Variants in N4BP2L2 observed in about 807,000 individuals in gnomAD.
N4BP2L2 encodes the protein NEDD4-binding protein 2-like 2.
In N4BP2L2, 50 loss-of-function variants were observed where a neutral mutation model predicts 56.2. That is an observed-to-expected ratio of 0.89 (90% CI 0.71 to 1.13). The LOEUF is 1.13. Among genes scored for constraint, N4BP2L2 ranks in the 50% most tolerant of loss-of-function variants. N4BP2L2 has a pLI of 0.00. For missense variants in N4BP2L2, 689 were observed against 693.8 expected (o/e 0.99, Z 0.08); for synonymous variants, 203 against 223.6 (o/e 0.91, Z 0.82).
At chr13:32,497,004 G>C (rs2088835652) in intron 6 of N4BP2L2, among the ~76,000 whole-genome samples, 1 of 152,210 alleles carries the variant, frequency 6.6e-6, no homozygotes. Context: ...GGGTTAGGTG[G>C]AAGTGGTGTG....
intron 6 of N4BP2L2, among the ~76,000 whole-genome samples, chr13:32,468,905 C>T (rs2081767467): frequency 6.6e-6 from 1 of 152,210 alleles, no homozygotes; most frequent in Admixed American, 6.5e-5. Context: ...GAGAGCCAAC[C>T]TTGTAGCCCA....
In N4BP2L2 at chr13:32,528,983, A is replaced by G. The variant is rs568161286; in HGVS notation, c.1260-1451T>C. On this transcript the variant is annotated intron_variant, in intron 2 of 5. Transcript: ENST00000267068. ...ATAAACTATGCACATCCTCCCATAC[A>G]CTTTAACTCATCTCTGGATTATTTA... Among the ~76,000 whole-genome samples, 159 of 152,286 alleles carry G rather than the reference A, an allele frequency of 1.0e-3. 2 individuals carry two copies. Among genetic ancestry groups the G allele is most frequent in the African/African-American group, 3.8e-3 (157 of 41,552 alleles).
At chr13:32,511,540 A>G (rs1307932233) in exon 6 of N4BP2L2, 1 of 152,222 alleles carries the variant, frequency 6.6e-6, no homozygotes, top group Admixed American at 6.5e-5. Context: ...AGATTTTTAT[A>G]AATCTTTCCA....
chr13:32,439,882 C>T (rs1216715720), intron 7 of N4BP2L2, among the ~76,000 whole-genome samples: 3 of 148,892 alleles, frequency 2.0e-5, no homozygotes, highest in Admixed American at 6.7e-5. Context: ...AAAAATTAGC[C>T]GGGCGCAGTG....
At chr13:32,530,362 T>C (rs2054366917) in intron 2 of N4BP2L2, among the ~76,000 whole-genome samples, 1 of 152,226 alleles carries the variant, frequency 6.6e-6, no homozygotes, top group Non-Finnish European at 1.5e-5. Flanking sequence ...AATCTAGGAA[T>C]ATCTGAATGT....
chr13:32,436,623 C>T (rs931845160), intron 8 of N4BP2L2, among the ~76,000 whole-genome samples: 8 of 151,480 alleles, frequency 5.3e-5, no homozygotes, highest in Non-Finnish European at 1.2e-4. Context: ...AACCCTGTCT[C>T]TACTAAAAAT....
At position 32,477,001 on chromosome 13, in the gene N4BP2L2, AC is replaced by A. The variant is rs1435715443; in HGVS notation, c.366-32876del. Among the ~76,000 whole-genome samples, 3 of 152,140 alleles carry A rather than the reference AC, an allele frequency of 2.0e-5. No individual in the cohort carries two copies. The East Asian group carries it at 5.8e-4, about 29-fold the overall frequency. On this transcript the variant is annotated intron_variant, in intron 6 of 9. Transcript: ENST00000357505. ...ATGCTACTTGAAGGAAATTTCTGCA[AC>A]CCGCAGTCAACTATCATACGATTGT...
intron 5 of N4BP2L2, among the ~76,000 whole-genome samples, chr13:32,519,244 C>CAA (rs568918720): frequency 0.014 from 1,573 of 113,310 alleles, 33 homozygotes; most frequent in African/African-American, 0.047. Context: ...CCGTCTCTAC[C>CAA]AAAAAAAAAA....
At chr13:32,494,804 A>G (rs867390406) in intron 6 of N4BP2L2, among the ~76,000 whole-genome samples, 1 of 152,152 alleles carries the variant, frequency 6.6e-6, no homozygotes, top group African/African-American at 2.4e-5. Context: ...GCATTTTTCC[A>G]TAACTTTCCC....
chr13:32,463,302 A>T (rs373870323), intron 6 of N4BP2L2, among the ~76,000 whole-genome samples: 3 of 152,220 alleles, frequency 2.0e-5, no homozygotes, highest in African/African-American at 7.2e-5. Context: ...AGTGGAGAAG[A>T]GCTGAAGAGA....
At chr13:32,490,846 T>C (rs1158541257) in intron 6 of N4BP2L2, among the ~76,000 whole-genome samples, 1 of 152,096 alleles carries the variant, frequency 6.6e-6, no homozygotes, top group Non-Finnish European at 1.5e-5. Flanking sequence ...TAATGCTCAC[T>C]TGCCCACCGC....
chr13:32,471,511 C>T (rs750007569), intron 6 of N4BP2L2, among the ~76,000 whole-genome samples: 1 of 152,170 alleles, frequency 6.6e-6, no homozygotes, highest in Admixed American at 6.5e-5. Context: ...CGGGCGCACC[C>T]GAAGAAAGAC....
downstream of N4BP2L2, chr13:32,506,687 G>A (rs940161920): frequency 3.3e-5 from 5 of 152,174 alleles, no homozygotes; most frequent in Non-Finnish European, 5.9e-5. Context: ...AACGGAAGGG[G>A]TATGTGTACA....
chr13:32,528,802 G>C (rs2053827275), intron 2 of N4BP2L2, among the ~76,000 whole-genome samples: 1 of 152,116 alleles, frequency 6.6e-6, no homozygotes, highest in Non-Finnish European at 1.5e-5. Context: ...AAAAATAGTA[G>C]GAAGGGTTTA....
At chr13:32,527,779 C>CTTTT (rs11374781) in intron 2 of N4BP2L2, among the ~76,000 whole-genome samples, 1 of 139,418 alleles carries the variant, frequency 7.2e-6, no homozygotes, top group African/African-American at 2.6e-5. Context: ...AACAGAAACT[C>CTTTT]TTTTTTTTTT....
At position 32,467,526 on chromosome 13, in the gene N4BP2L2, C is replaced by T. The variant is rs1394147706; in HGVS notation, c.366-23400G>A. ...CTCCTGACCTCAAGTGATCTGCCTGCCTCGGCCTCCCAAAGTGCTGGGATT... is the reference window on the plus strand; with the variant it reads ...CTCCTGACCTCAAGTGATCTGCCTGTCTCGGCCTCCCAAAGTGCTGGGATT... On this transcript the variant is annotated intron_variant, in intron 6 of 9. Transcript: ENST00000357505. Among the ~76,000 whole-genome samples the T allele has an allele frequency of 2.0e-5, 3 of 150,680 alleles. No individual in the cohort carries two copies. In the East Asian group the frequency reaches 6.0e-4, roughly 30 times the overall value.
exon 7 of N4BP2L2, chr13:32,442,392 T>C (rs749451009): frequency 6.3e-7 from 1 of 1,577,412 alleles, no homozygotes; most frequent in East Asian, 2.3e-5. Context: ...ACTTACCCAT[T>C]GGAACGCCTG....
At chr13:32,531,070 GA>G (rs1566186822) in intron 2 of N4BP2L2, among the ~76,000 whole-genome samples, 1 of 152,118 alleles carries the variant, frequency 6.6e-6, no homozygotes, top group Admixed American at 6.5e-5. Flanking sequence ...AGCTCACAAG[GA>G]ACTCAGTCCT....
At chr13:32,504,407 G>A (rs765510138) in intron 6 of N4BP2L2, 10 of 152,188 alleles carry the variant, frequency 6.6e-5, no homozygotes, top group Non-Finnish European at 1.2e-4. Flanking sequence ...TTTCTCCAGT[G>A]TCATCACATG....
Sources: gnomAD v4.1 joint callset for allele counts (sites outside exome capture counted in the v4.1 genomes callset) on GRCh38, gnomAD v4.1.1 for gene constraint, MANE v1.5 for transcripts, NCBI Gene and HGNC (gene_info 2026-07-23, HGNC 2026-07-21) for gene names.